The following PTPRD variants were observed in gnomAD, a reference collection of about 807,000 sequenced individuals.
The protein encoded by PTPRD is protein tyrosine phosphatase receptor type D.
In PTPRD, 34 loss-of-function variants were observed where a neutral mutation model predicts 214.5. The ratio of observed to expected loss-of-function variants is 0.16; its 90% CI spans 0.12 to 0.21. The LOEUF (loss-of-function observed/expected upper bound fraction) is 0.21, where lower values mean the gene tolerates loss of function less well. Among genes scored for constraint, PTPRD ranks in the 10% least tolerant of loss-of-function variants. PTPRD has a pLI of 1.00. For missense variants in PTPRD, 2,545 were observed against 2,398.7 expected (o/e 1.06, Z -1.27); for synonymous variants, 1,128 against 845.7 (o/e 1.33, Z -5.79).
chr9:9,197,900 C>T (rs776349606), intron 9 of PTPRD, among the ~76,000 whole-genome samples: 47 of 152,318 alleles, frequency 3.1e-4, no homozygotes, highest in Non-Finnish European at 6.0e-4. Flanking sequence ...AAATAATTGG[C>T]TCACCACTCT....
intron 3 of PTPRD, among the ~76,000 whole-genome samples, chr9:10,304,419 A>C (rs1008735823): frequency 6.6e-6 from 1 of 152,178 alleles, no homozygotes; most frequent in Admixed American, 6.5e-5. Context: ...CCGGTGAATC[A>C]GGCAGGAGAA....
intron 2 of PTPRD, among the ~76,000 whole-genome samples, chr9:10,382,986 G>A (rs58950125): frequency 0.12 from 17,731 of 151,762 alleles, 2,175 homozygotes; most frequent in African/African-American, 0.31. Context: ...AAGTGACACT[G>A]ATATTTGGAT....
chr9:9,150,957 G>A (rs1340412428), intron 10 of PTPRD, among the ~76,000 whole-genome samples: 2 of 152,142 alleles, frequency 1.3e-5, no homozygotes, highest in Non-Finnish European at 2.9e-5. Context: ...TGAGATAGAA[G>A]TACCTGCTGA....
intron 9 of PTPRD, among the ~76,000 whole-genome samples, chr9:9,319,799 TAACA>T (rs1484760996): frequency 6.6e-6 from 1 of 152,162 alleles, no homozygotes; most frequent in Non-Finnish European, 1.5e-5. Context: ...AGGAACCTCA[TAACA>T]AACAGCTGGT....
At chr9:9,988,747 G>A (rs999305373) in intron 4 of PTPRD, among the ~76,000 whole-genome samples, 1 of 151,894 alleles carries the variant, frequency 6.6e-6, no homozygotes, top group Non-Finnish European at 1.5e-5. Flanking sequence ...ACTCTAAAAA[G>A]TGTATTAAGT....
intron 12 of PTPRD, among the ~76,000 whole-genome samples, chr9:8,719,194 T>A (rs1232196717): frequency 6.6e-6 from 1 of 152,214 alleles, no homozygotes; most frequent in African/African-American, 2.4e-5. Context: ...CCTCAGCTGA[T>A]AAATTATTCA....
At chr9:9,866,928 G>A (rs902499806) in intron 5 of PTPRD, among the ~76,000 whole-genome samples, 1 of 152,048 alleles carries the variant, frequency 6.6e-6, no homozygotes, top group Admixed American at 6.6e-5. Context: ...CTTTTTGGTG[G>A]GGTGTAAGTA....
At chr9:9,403,355 G>A (rs1449439578) in intron 8 of PTPRD, among the ~76,000 whole-genome samples, 3 of 142,078 alleles carry the variant, frequency 2.1e-5, no homozygotes, top group South Asian at 2.3e-4. Flanking sequence ...AATAATGTAC[G>A]AATTGTGATA....
intron 35 of PTPRD, among the ~76,000 whole-genome samples, chr9:8,420,505 G>A (rs1015915927): frequency 2.6e-5 from 4 of 152,090 alleles, no homozygotes; most frequent in East Asian, 1.9e-4. Context: ...ATTCTCCAGC[G>A]AAAATTATAA....
At chr9:10,041,510 C>CA (rs2097296468) in intron 3 of PTPRD, among the ~76,000 whole-genome samples, 1 of 150,368 alleles carries the variant, frequency 6.7e-6, no homozygotes, top group Non-Finnish European at 1.5e-5. Flanking sequence ...GCAACTATTT[C>CA]AATTTTTTTT....
chr9:9,904,859 T>C (rs1199930241), intron 5 of PTPRD, among the ~76,000 whole-genome samples: 1 of 152,098 alleles, frequency 6.6e-6, no homozygotes, highest in Non-Finnish European at 1.5e-5. Context: ...TGGGCAATGA[T>C]ATGCCTTGGT....
chr9:8,936,885 T>C (rs780692206), intron 11 of PTPRD, among the ~76,000 whole-genome samples: 35 of 152,294 alleles, frequency 2.3e-4, no homozygotes, highest in Non-Finnish European at 4.0e-4. Context: ...TCAAATGCAA[T>C]AGAAAAATAA....
At chr9:9,113,138 A>T (rs1266210752) in intron 10 of PTPRD, among the ~76,000 whole-genome samples, 3 of 150,618 alleles carry the variant, frequency 2.0e-5, no homozygotes, top group Non-Finnish European at 3.0e-5. Flanking sequence ...CTAATTAAAA[A>T]ATATATATAT....
chr9:8,630,410 A>T (rs1406955931), intron 14 of PTPRD, among the ~76,000 whole-genome samples: 2 of 151,904 alleles, frequency 1.3e-5, no homozygotes, highest in Non-Finnish European at 2.9e-5. Flanking sequence ...AAACACTACT[A>T]TTAATAGAAA....
intron 5 of PTPRD, among the ~76,000 whole-genome samples, chr9:9,861,578 C>T (rs1018840142): frequency 1.3e-5 from 2 of 152,094 alleles, no homozygotes; most frequent in African/African-American, 4.8e-5. Flanking sequence ...CGTGAGCCAC[C>T]GCACATGGCC....
intron 11 of PTPRD, among the ~76,000 whole-genome samples, chr9:8,920,988 A>AT (rs775948091): frequency 8.3e-4 from 126 of 152,094 alleles, no homozygotes; most frequent in Non-Finnish European, 1.4e-3. Context: ...TTACTTTTGT[A>AT]TTTTTAGTCG....
intron 7 of PTPRD, among the ~76,000 whole-genome samples, chr9:9,650,695 G>C (rs142690221): frequency 2.6e-5 from 4 of 151,850 alleles, no homozygotes; most frequent in Non-Finnish European, 5.9e-5. Flanking sequence ...TAATACCTGG[G>C]TGATTAAATA....
At chr9:9,882,388 G>C (rs2069042511) in intron 5 of PTPRD, among the ~76,000 whole-genome samples, 2 of 152,008 alleles carry the variant, frequency 1.3e-5, no homozygotes, top group Admixed American at 1.3e-4. Context: ...GCCAACGCTT[G>C]GTCAATATCA....
intron 19 of PTPRD, 41 bp downstream of exon 19, chr9:8,523,472 A>G (rs780573651): frequency 6.2e-7 from 1 of 1,604,148 alleles, no homozygotes; most frequent in Non-Finnish European, 8.5e-7. Flanking sequence ...GGTTTAATTA[A>G]TAGTTTTGTA....
Sources: gnomAD v4.1 joint callset for allele counts (sites outside exome capture counted in the v4.1 genomes callset) on GRCh38, gnomAD v4.1.1 for gene constraint, MANE v1.5 for transcripts, NCBI Gene and HGNC (gene_info 2026-07-23, HGNC 2026-07-21) for gene names.